TBC1D32: variants seen among roughly 807,000 people sequenced by gnomAD.
TBC1D32 encodes the protein TBC1 domain family member 32.
In TBC1D32, 151 loss-of-function variants were observed where a neutral mutation model predicts 170.3. That is an observed-to-expected ratio of 0.89 (90% CI 0.78 to 1.01). TBC1D32 has a LOEUF of 1.01. Among genes scored for constraint, TBC1D32 ranks in the 50% least tolerant of loss-of-function variants. The pLI is 0.00. For synonymous variants in TBC1D32, 498 were observed against 488.0 expected (o/e 1.02, Z -0.27); for missense variants, 1,464 against 1,457.1 (o/e 1.00, Z -0.08).
chr6:121,268,906 C>A (rs951403577), intron 15 of TBC1D32, among the ~76,000 whole-genome samples: 1 of 152,150 alleles, frequency 6.6e-6, no homozygotes, highest in Non-Finnish European at 1.5e-5. Context: ...AGACTAACAG[C>A]GGATCTCTCG....
chr6:121,290,477 G>A (rs370050948), intron 12 of TBC1D32, among the ~76,000 whole-genome samples: 11 of 151,692 alleles, frequency 7.3e-5, no homozygotes, highest in East Asian at 3.9e-4. Context: ...TTAGAATGGC[G>A]ATCATTAAAA....
intron 25 of TBC1D32, among the ~76,000 whole-genome samples, chr6:121,129,533 T>C (rs972042495): frequency 3.3e-5 from 5 of 152,188 alleles, no homozygotes; most frequent in African/African-American, 1.2e-4. Context: ...TGATTAAAAA[T>C]AAAAAGTGAT....
chr6:121,126,001 G>A (rs1189212146), intron 26 of TBC1D32, among the ~76,000 whole-genome samples: 1 of 152,146 alleles, frequency 6.6e-6, no homozygotes, highest in Non-Finnish European at 1.5e-5. Flanking sequence ...CAAGAATAAA[G>A]CCTATAGTAG....
chr6:121,153,305 T>G (rs533411100), intron 24 of TBC1D32, among the ~76,000 whole-genome samples: 5 of 152,204 alleles, frequency 3.3e-5, no homozygotes, highest in Non-Finnish European at 7.3e-5. Flanking sequence ...CATGTTTGCC[T>G]GGGTATCACC....
At chr6:121,136,474 T>C (rs1253519844) in intron 24 of TBC1D32, among the ~76,000 whole-genome samples, 1 of 151,508 alleles carries the variant, frequency 6.6e-6, no homozygotes, top group Admixed American at 6.6e-5. Context: ...AGAGGGAGAG[T>C]TTTATTGGCA....
chr6:121,229,983 C>T (rs1795536913), intron 20 of TBC1D32, among the ~76,000 whole-genome samples: 1 of 151,988 alleles, frequency 6.6e-6, no homozygotes, highest in African/African-American at 2.4e-5. Context: ...AAGATGTGTG[C>T]CTTGCTTCCC....
intron 12 of TBC1D32, among the ~76,000 whole-genome samples, chr6:121,289,709 G>C (rs1804512785): frequency 6.6e-6 from 1 of 152,088 alleles, no homozygotes; most frequent in Non-Finnish European, 1.5e-5. Flanking sequence ...TAAGCCAAAA[G>C]AACAAAGCTG....
chr6:121,125,448 C>T (rs2128211337), intron 26 of TBC1D32, among the ~76,000 whole-genome samples: 1 of 152,104 alleles, frequency 6.6e-6, no homozygotes, highest in Admixed American at 6.6e-5. Flanking sequence ...TGAGACTAGG[C>T]CCCTCGGTAT....
At position 121,283,865 on chromosome 6, in the gene TBC1D32, A is replaced by G. The variant is rs1003987697; in HGVS notation, c.1418T>C (p.Ile473Thr). 9.3e-6 allele frequency: 15 copies of G among 1,611,446 alleles called. No homozygotes were observed. The highest frequency in any genetic ancestry group is 1.1e-5 in the Non-Finnish European group (13 of 1,178,530). Residue 473 changes from isoleucine (I) to threonine (T), a missense_variant, in exon 13 of 32, where the codon ATC becomes ACC. Coordinates refer to ENST00000398212, the MANE Select transcript of TBC1D32 (RefSeq NM_152730.6). The part of the protein sequence containing the change: ...IDLLVLFTQL[I>T]YYSPSCPKMT... The stretch of plus-strand genomic sequence containing the variant: ...CTTTGGACAACTTGGTGAGTAATAG[A>G]TAAGTTGGGTAAAAAGAACAAGCAG...
intron 26 of TBC1D32, among the ~76,000 whole-genome samples, chr6:121,123,231 T>C (rs1780463830): frequency 6.6e-6 from 1 of 152,074 alleles, no homozygotes; most frequent in Non-Finnish European, 1.5e-5. Context: ...TTGTTAACAG[T>C]TTTTTATTAT....
At chr6:121,236,085 T>C (rs947891805) in intron 20 of TBC1D32, among the ~76,000 whole-genome samples, 6 of 151,932 alleles carry the variant, frequency 3.9e-5, no homozygotes, top group African/African-American at 1.4e-4. Flanking sequence ...TCTTTTATTC[T>C]TTCCTCCCCA....
At chr6:121,115,548 C>T in intron 26 of TBC1D32, 1 of 205,158 alleles carries the variant, frequency 4.9e-6, no homozygotes, top group Non-Finnish European at 9.7e-6. Context: ...AAAAAGTGGT[C>T]TAGAAATACT....
intron 1 of TBC1D32, among the ~76,000 whole-genome samples, chr6:121,324,565 G>A (rs114286651): frequency 0.012 from 1,882 of 152,184 alleles, 39 homozygotes; most frequent in African/African-American, 0.043. Flanking sequence ...AAAGTTTACT[G>A]AATCATATAT....
At chr6:121,309,112 A>G (rs1807788338) in intron 4 of TBC1D32, among the ~76,000 whole-genome samples, 1 of 152,214 alleles carries the variant, frequency 6.6e-6, no homozygotes. Flanking sequence ...GAAACTGTCT[A>G]TATATTCATA....
chr6:121,170,278 C>A, intron 22 of TBC1D32: 1 of 971,428 alleles, frequency 1.0e-6, no homozygotes, highest in Non-Finnish European at 1.4e-6. Flanking sequence ...GCTTTGTATT[C>A]TGTTATTTAA....
At chr6:121,317,751 T>C (rs1809134591) in intron 2 of TBC1D32, 79 bp from the exon 3 acceptor site, 1 of 1,093,404 alleles carries the variant, frequency 9.1e-7, no homozygotes, top group East Asian at 2.8e-5. Flanking sequence ...ATCTAATTTT[T>C]TTTCTATAAA....
chr6:121,291,766 A>G (rs1396502338), intron 12 of TBC1D32, among the ~76,000 whole-genome samples: 1 of 152,150 alleles, frequency 6.6e-6, no homozygotes, highest in Non-Finnish European at 1.5e-5. Context: ...GATCACTGCT[A>G]GTTTATAATG....
chr6:121,103,294 T>C (rs193148063), intron 30 of TBC1D32, among the ~76,000 whole-genome samples: 1,798 of 152,138 alleles, frequency 0.012, 11 homozygotes, highest in South Asian at 0.04. Flanking sequence ...CGTATGTTTA[T>C]AGCGACACTA....
chr6:121,234,292 T>A (rs1796084229), intron 20 of TBC1D32, among the ~76,000 whole-genome samples: 1 of 152,194 alleles, frequency 6.6e-6, no homozygotes, highest in Non-Finnish European at 1.5e-5. Context: ...TCCTTTATTA[T>A]TACCTCAAAT....
Sources: allele counts gnomAD v4.1 joint callset (sites outside exome capture counted in the v4.1 genomes callset), GRCh38; gene constraint gnomAD v4.1.1; transcripts MANE v1.5; gene names NCBI Gene and HGNC (gene_info 2026-07-23, HGNC 2026-07-21).